Variants in AGXT2 observed in about 807,000 individuals in gnomAD.
The protein encoded by AGXT2 is alanine--glyoxylate aminotransferase 2, also known as alanine--glyoxylate aminotransferase 2, mitochondrial.
AGXT2 carries 61 observed loss-of-function variants against 62.5 expected under a neutral mutation model. The observed-to-expected ratio is 0.98, with a 90% CI of 0.79 to 1.21. The LOEUF is 1.21. AGXT2 is among the 50% of genes most tolerant of loss of function. The probability of loss-of-function intolerance (pLI) is 0.00; values close to 1 mark genes in which losing one functional copy is unlikely to be tolerated. For synonymous variants in AGXT2, 243 were observed against 218.7 expected (o/e 1.11, Z -0.98); for missense variants, 666 against 641.5 (o/e 1.04, Z -0.41).
intron 12 of AGXT2, among the ~76,000 whole-genome samples, chr5:35,004,532 C>T (rs186656001): frequency 7.9e-5 from 12 of 152,318 alleles, no homozygotes; most frequent in South Asian, 2.1e-4. Flanking sequence ...CCTTTCTGTG[C>T]GTCCCCTGTC....
rs200704797 is a variant in AGXT2 at position 35,026,057 on chromosome 5, T to C, written c.871-202A>G. The C allele has an allele frequency of 2.3e-5, 14 of 616,488 alleles. No individual in the cohort carries two copies. In the East Asian group the frequency reaches 3.9e-4, roughly 17 times the overall value. 38.2% of individuals were successfully genotyped at this position (616,488 alleles called of 1,614,324 possible). A position where few individuals can be genotyped will look rare whatever the true frequency, so the allele number is the denominator to read the frequency against. Reference sequence around the variant, plus strand: ...GACTTCTGGAAAAAAGATGCAAACATTGATTATTTTCTGAGATTAGAAAAC... The same window carrying C: ...GACTTCTGGAAAAAAGATGCAAACACTGATTATTTTCTGAGATTAGAAAAC... On this transcript the variant is annotated intron_variant, in intron 8 of 13. Transcript: ENST00000231420.
chr5:35,015,426 G>A (rs1030934598), intron 9 of AGXT2, among the ~76,000 whole-genome samples: 3 of 152,248 alleles, frequency 2.0e-5, no homozygotes, highest in Admixed American at 6.5e-5. Context: ...AAGTCTCCTC[G>A]ATTTCTTTCT....
chr5:35,029,325 C>G (rs1323028435), intron 7 of AGXT2, among the ~76,000 whole-genome samples: 1 of 152,196 alleles, frequency 6.6e-6, no homozygotes, highest in East Asian at 1.9e-4. Context: ...CCATTTGTAA[C>G]TGGAGAAATC....
At chr5:35,038,910 C>T (rs1360085267) in intron 3 of AGXT2, among the ~76,000 whole-genome samples, 1 of 152,158 alleles carries the variant, frequency 6.6e-6, no homozygotes, top group Non-Finnish European at 1.5e-5. Flanking sequence ...CTCTCAGAGG[C>T]CATGAAGAAG....
chr5:35,039,279 T>C lies in AGXT2; in HGVS notation c.362+45A>G, dbSNP rs755339228. The C allele has an allele frequency of 3.2e-6, 5 of 1,585,194 alleles. No individual in the cohort carries two copies. In the East Asian group the frequency reaches 1.1e-4, roughly 35 times the overall value. ...GAGTCACTAACATAATTGTTTTCCA[T>C]GCATTCTTTTGGAATAAAAATCTCC... On this transcript the variant is annotated intron_variant, in intron 3 of 13. Transcript: ENST00000231420.
At chr5:35,031,059 C>T (rs1767544158) in intron 7 of AGXT2, among the ~76,000 whole-genome samples, 1 of 152,152 alleles carries the variant, frequency 6.6e-6, no homozygotes, top group Admixed American at 6.5e-5. Context: ...GAGTGGAATC[C>T]ATCTCTTGAC....
Position 35,003,826 on chromosome 5 carries a change from A to C in AGXT2, c.1374T>G (p.Asn458Lys), listed in dbSNP as rs1430701963. 5.6e-6 allele frequency: 9 copies of C among 1,614,022 alleles called. No individual in the cohort carries two copies. Among genetic ancestry groups the C allele is most frequent in the Admixed American group, 5.0e-5 (3 of 60,004 alleles). Residue 458 changes from asparagine (N) to lysine (K), a missense_variant, in exon 13 of 14, where the codon AAT (asparagine) becomes AAG (lysine). Transcript: ENST00000231420. ...TGTGCTTGCAGTCCTCATGGATCTG[A>C]TTTACTTCTTCACGGGGAAGAGGCC... ...SCRPLPREEV[N>K]QIHEDCKHMG...
chr5:35,003,126 GA>G (rs1766294707), intron 13 of AGXT2, among the ~76,000 whole-genome samples: 1 of 152,214 alleles, frequency 6.6e-6, no homozygotes, highest in South Asian at 2.1e-4. Flanking sequence ...CCTGACTGTG[GA>G]GCTGGGCATG....
intron 7 of AGXT2, among the ~76,000 whole-genome samples, chr5:35,029,966 G>A (rs1767499849): frequency 6.6e-6 from 1 of 152,198 alleles, no homozygotes; most frequent in Admixed American, 6.5e-5. Flanking sequence ...ACCATGGTTG[G>A]TGCCTCAATT....
chr5:35,034,516 A>G (rs1767695302), intron 5 of AGXT2, among the ~76,000 whole-genome samples: 1 of 152,190 alleles, frequency 6.6e-6, no homozygotes. Flanking sequence ...CTGTTTATTC[A>G]TTCCATCAAC....
chr5:35,039,523 G>T lies in AGXT2; in HGVS notation c.178-15C>A. On this transcript the variant is annotated splice_polypyrimidine_tract_variant and intron_variant, in intron 2 of 13. Transcript: ENST00000231420. ...TAGCCAAGGGACTGTAGATAAACAA[G>T]ATTTAAACCCACACACTTCTTACAA... 1 of 1,612,160 alleles carries T rather than the reference G, an allele frequency of 6.2e-7. No individual in the cohort carries two copies. The highest frequency in any genetic ancestry group is 8.5e-7 in the Non-Finnish European group (1 of 1,178,398).
intron 4 of AGXT2, among the ~76,000 whole-genome samples, chr5:35,035,814 C>T (rs1049136932): frequency 4.6e-5 from 7 of 152,178 alleles, no homozygotes; most frequent in African/African-American, 9.7e-5. Flanking sequence ...CGGTGGCTCA[C>T]GCCTGTAATC....
chr5:35,023,903 ATTTATTTT>A (rs1268182932), intron 9 of AGXT2, among the ~76,000 whole-genome samples: 1 of 89,996 alleles, frequency 1.1e-5, no homozygotes, highest in Non-Finnish European at 2.6e-5. Flanking sequence ...TTATTTATTT[ATTTATTTT>A]GAGATGGAGT....
chr5:35,044,849 C>T (rs1768125910), intron 1 of AGXT2, among the ~76,000 whole-genome samples: 1 of 152,210 alleles, frequency 6.6e-6, no homozygotes, highest in Admixed American at 6.5e-5. Context: ...TCAGTTCTGA[C>T]TGTGGCAAGG....
intron 13 of AGXT2, 37 bp downstream of exon 13, chr5:35,003,724 CTA>C: frequency 6.5e-7 from 1 of 1,542,470 alleles, no homozygotes; most frequent in Non-Finnish European, 9.0e-7. Context: ...AGAGAGACTC[CTA>C]CCTAGAGCGA....
rs2112150900 is a variant in AGXT2, at chr5:34,998,748, T to A, written c.1516A>T (p.Thr506Ser). The A allele has an allele frequency of 6.2e-7, 1 of 1,613,876 alleles. No individual in the cohort carries two copies. The highest frequency in any genetic ancestry group is 2.2e-5 in the East Asian group (1 of 44,882). The change falls in exon 14 of 14, where the codon ACC (threonine) becomes TCC (serine). Residue 506 changes from threonine to serine, a missense_variant. Transcript: ENST00000231420. ...TTAGCTCTTCTTTCCATGTGTTGGG[T>A]TAAGGCAGAACGAAATACTTCTACT... ...FAVEVFRSAL[T>S]QHMERRAK
intron 6 of AGXT2, 30 bp downstream of exon 6, chr5:35,033,430 A>G (rs893157620): frequency 6.5e-7 from 1 of 1,544,822 alleles, no homozygotes; most frequent in African/African-American, 1.4e-5. Flanking sequence ...GCAGTCTTTA[A>G]AGAAACAAGA....
rs1198184086 is a variant in AGXT2, at chr5:35,040,612, C to T, written c.140G>A (p.Arg47Lys). 3.7e-6 allele frequency: 6 copies of T among 1,613,954 alleles called. No individual in the cohort carries two copies. The highest frequency in any genetic ancestry group is 5.1e-6 in the Non-Finnish European group (6 of 1,179,872). Residue 47 changes from arginine (R) to lysine (K), a missense_variant, in exon 2 of 14, where the codon AGA (arginine) becomes AAA (lysine). Coordinates refer to ENST00000231420, the MANE Select transcript of AGXT2 (RefSeq NM_031900.4). ...VTKLSLHTKP[R>K]MPPCDFMPER... is the part of the protein sequence containing the mutation. ...AGGCATGAAGTCACATGGAGGCATT[C>T]TGGGCTTTGTATGAAGACTGAGCTT...
At position 35,014,040 on chromosome 5, in the gene AGXT2, A is replaced by G. The variant is rs770325919; in HGVS notation, c.1043T>C (p.Met348Thr). 11 of 1,614,152 alleles carry G rather than the reference A, an allele frequency of 6.8e-6. No homozygotes were observed. The highest frequency in any genetic ancestry group is 9.3e-6 in the Non-Finnish European group (11 of 1,180,022). ...THDVLPDIVT[M>T]AKGIGNGFPM... ...AAAGCCATTCCCAATCCCTTTAGCC[A>G]TGGTGACAATGTCAGGCAGGACATC... is the stretch of plus-strand genomic sequence containing the variant. The change falls in exon 10 of 14, where the codon ATG becomes ACG. Residue 348 changes from methionine (M) to threonine (T), a missense_variant. Met to Thr is a moderately conservative substitution (Grantham distance 81, BLOSUM62 -1). Transcript: ENST00000231420.
Sources: allele counts gnomAD v4.1 joint callset (sites outside exome capture counted in the v4.1 genomes callset), GRCh38; gene constraint gnomAD v4.1.1; transcripts MANE v1.5; gene names NCBI Gene and HGNC (gene_info 2026-07-23, HGNC 2026-07-21).